The following ZNF208 variants were observed in gnomAD, a reference collection of about 807,000 sequenced individuals.
ZNF208 encodes zinc finger protein 208.
In ZNF208, 10 loss-of-function variants were observed where a neutral mutation model predicts 12.1. The ratio of observed to expected loss-of-function variants is 0.83; its 90% CI spans 0.51 to 1.40. ZNF208 has a LOEUF of 1.40. Ranked by LOEUF, ZNF208 falls within the 40% of genes most tolerant of loss-of-function variation. ZNF208 has a pLI of 0.00. For missense variants in ZNF208, 1,652 were observed against 1,485.0 expected (o/e 1.11, Z -1.85); for synonymous variants, 497 against 488.4 (o/e 1.02, Z -0.23).
chr19:21,987,228 C>T lies in ZNF208; in HGVS notation c.214G>A (p.Glu72Lys). 1.9e-6 allele frequency: 3 copies of T among 1,611,236 alleles called. No individual in the cohort carries two copies. Among genetic ancestry groups the T allele is most frequent in the Non-Finnish European group, 2.5e-6 (3 of 1,178,860 alleles). ...SWNMKRHEMV[E>K]ESPVICSHFA... is the part of the protein sequence containing the mutation. ...CACTCTCACCTACCTGGGGATTCTT[C>T]CACCATCTCATGTCTCTTCATATTC... Residue 72 changes from glutamate to lysine, a missense_variant, in exon 3 of 4, where the codon GAA (glutamate) becomes AAA (lysine). Physicochemically the swap from Glu to Lys is moderately conservative, Grantham distance 56. Transcript: ENST00000397126.
At chr19:21,986,783 T>G (rs959703118) in intron 3 of ZNF208, 1 of 358,460 alleles carries the variant, frequency 2.8e-6, no homozygotes, top group African/African-American at 2.1e-5. Context: ...CAGGATGAAA[T>G]GTACAGAAAA....
intron 1 of ZNF208, among the ~76,000 whole-genome samples, chr19:22,004,262 A>T (rs1437579478): frequency 3.9e-5 from 6 of 152,160 alleles, no homozygotes; most frequent in African/African-American, 1.4e-4. Flanking sequence ...CACACTTGTA[A>T]TCCCAGCACT....
rs181305303 is a variant in ZNF208 at position 21,974,105 on chromosome 19, T to C, written c.929A>G (p.Glu310Gly). 2.2e-4 allele frequency: 345 copies of C among 1,578,472 alleles called. 5 individuals are homozygous for C. In the African/African-American group the frequency reaches 4.1e-3, roughly 19 times the overall value. ...ACATTCTTTACATTTGTAGGGCTTC[T>C]CTCCAGCATGAATTGCCTTATGTGT... The part of the protein sequence containing the change: ...LTTHKAIHAG[E>G]KPYKCKECGK... The change falls in exon 4 of 4, where the codon GAG becomes GGG. Residue 310 changes from glutamate (E) to glycine (G), a missense_variant. Physicochemically the swap from Glu to Gly is moderately conservative, Grantham distance 98. Around this residue, in one of 3 missense-constraint regions of ZNF208, gnomAD observed 410 missense variants for 378.2 expected, o/e 1.08. Transcript: ENST00000397126.
Position 22,010,708 on chromosome 19 carries a change from G to A in ZNF208, c.3+84C>T, listed in dbSNP as rs1292669166. 2.5e-6 allele frequency: 4 copies of A among 1,604,084 alleles called. No homozygotes were observed. In the East Asian group the frequency reaches 6.7e-5, roughly 27 times the overall value. On this transcript the variant is annotated intron_variant, in intron 1 of 3. Coordinates refer to ENST00000397126, the MANE Select transcript of ZNF208 (RefSeq NM_007153.3). Reference sequence around the variant, plus strand: ...ACAGATGTGGAGCTGACTGCGGGGAGGCCTGAGTCCCGCCACAGCCACTTC... The same window carrying A: ...ACAGATGTGGAGCTGACTGCGGGGAAGCCTGAGTCCCGCCACAGCCACTTC...
rs1354028225 is a variant in ZNF208 at position 21,999,870 on chromosome 19, T to A, written c.3+10922A>T. 2.0e-5 allele frequency among the ~76,000 whole-genome samples: 3 copies of A among 152,344 alleles called. No homozygotes were observed. In the East Asian group the frequency reaches 5.8e-4, roughly 29 times the overall value. On this transcript the variant is annotated intron_variant, in intron 1 of 3. Coordinates refer to ENST00000397126, the MANE Select transcript of ZNF208 (RefSeq NM_007153.3). ...ATCAGCAAGTTATCCTCCCTTATTT[T>A]CACATATGAGAATAAAGCTTCTTAT...
chr19:21,959,261 T>G (rs566027151), intron 4 of ZNF208, among the ~76,000 whole-genome samples: 7 of 152,324 alleles, frequency 4.6e-5, no homozygotes, highest in Non-Finnish European at 8.8e-5. Flanking sequence ...CACAAAATCA[T>G]TCTGGGTATG....
chr19:21,953,822 G>T (rs769028309), intron 4 of ZNF208, among the ~76,000 whole-genome samples: 2 of 151,746 alleles, frequency 1.3e-5, no homozygotes, highest in African/African-American at 4.8e-5. Flanking sequence ...GGTTTTTTGT[G>T]TCTCTATCTC....
chr19:21,991,434 T>C (rs10402796), intron 1 of ZNF208: 88,864 of 152,074 alleles, frequency 0.58, 26,232 homozygotes, highest in East Asian at 0.69. Flanking sequence ...GAGTGCTATA[T>C]TTACATCATA....
chr19:21,971,859 A>G lies in ZNF208; in HGVS notation c.3175T>C (p.Cys1059Arg), dbSNP rs1242851713. ...CTGAAGGCTTTGCCACATTCTTCAC[A>G]TTTGTAGGGTTTTTCTCCAGCATGA... ...ATHAGEKPYK[C>R]EECGKAFSWP... The change falls in exon 4 of 4, where the codon TGT becomes CGT. Residue 1059 changes from cysteine to arginine, a missense_variant. Physicochemically the swap from Cys to Arg is radical, Grantham distance 180 (BLOSUM62 -3). This residue lies in a region of ZNF208 where 1,239 missense variants were observed against 1,086.2 expected (regional missense o/e 1.14). Coordinates refer to ENST00000397126, the MANE Select transcript of ZNF208 (RefSeq NM_007153.3). 2 of 1,613,300 alleles carry G rather than the reference A, an allele frequency of 1.2e-6. No individual in the cohort carries two copies. The highest frequency in any genetic ancestry group is 1.7e-6 in the Non-Finnish European group (2 of 1,179,726).
intron 4 of ZNF208, among the ~76,000 whole-genome samples, chr19:21,953,573 G>A (rs914240037): frequency 1.1e-4 from 16 of 152,084 alleles, no homozygotes; most frequent in African/African-American, 3.9e-4. Context: ...CTTCATAACT[G>A]AAGGAAAAAT....
Position 22,010,926 on chromosome 19 carries a change from T to G in ZNF208, c.-132A>C. On this transcript the variant is annotated 5_prime_UTR_variant, in exon 1 of 4. Transcript: ENST00000397126. ...TAAGGACGAGACCTTGACCTCCGGC[T>G]GCAGCGAGAGACAAAGGACCGACCA... 2 of 1,368,048 alleles carry G rather than the reference T, an allele frequency of 1.5e-6. No homozygotes were observed. Among genetic ancestry groups the G allele is most frequent in the African/African-American group, 1.4e-5 (1 of 70,006 alleles). 84.7% of individuals were successfully genotyped at this position (1,368,048 alleles called of 1,614,324 possible).
At chr19:21,982,080 G>C (rs992855977) in intron 3 of ZNF208, among the ~76,000 whole-genome samples, 6 of 152,028 alleles carry the variant, frequency 3.9e-5, no homozygotes, top group African/African-American at 1.4e-4. Flanking sequence ...TTCCATGGCT[G>C]GGCGCAGTGG....
chr19:22,002,240 T>C (rs1220508917), intron 1 of ZNF208, among the ~76,000 whole-genome samples: 2 of 152,144 alleles, frequency 1.3e-5, no homozygotes, highest in Non-Finnish European at 2.9e-5. Context: ...GCCAATATAC[T>C]GAATGGACAA....
intron 3 of ZNF208, among the ~76,000 whole-genome samples, chr19:21,976,207 C>T (rs1970428454): frequency 6.6e-6 from 1 of 152,094 alleles, no homozygotes; most frequent in South Asian, 2.1e-4. Flanking sequence ...AATCAATAAA[C>T]TTAGCAACAT....
chr19:21,954,780 C>G (rs1173623326), intron 4 of ZNF208, among the ~76,000 whole-genome samples: 1 of 152,158 alleles, frequency 6.6e-6, no homozygotes, highest in Non-Finnish European at 1.5e-5. Flanking sequence ...GGTCTTGACT[C>G]TTTATCCAAT....
chr19:22,002,292 G>A (rs1970967855), intron 1 of ZNF208, among the ~76,000 whole-genome samples: 1 of 152,130 alleles, frequency 6.6e-6, no homozygotes, highest in Non-Finnish European at 1.5e-5. Context: ...ACAAGACAAG[G>A]ATGCCTTCTC....
rs1970289378 is a variant in ZNF208, at chr19:21,971,718, T to G, written c.3316A>C (p.Ile1106Leu). 6 of 1,613,954 alleles carry G rather than the reference T, an allele frequency of 3.7e-6. No homozygotes were observed. Among genetic ancestry groups the G allele is most frequent in the Non-Finnish European group, 5.1e-6 (6 of 1,179,984 alleles). Reference protein sequence around the residue: ...WSSNLMEHKRIHTGEKPYKCE... With the variant: ...WSSNLMEHKRLHTGEKPYKCE... ...TTGTAGGGTTTCTCTCCAGTATGAA[T>G]TCTCTTATGTTCCATAAGGTTTGAG... is the stretch of plus-strand genomic sequence containing the variant. Residue 1106 changes from isoleucine (I) to leucine (L), a missense_variant, in exon 4 of 4, where the codon ATT becomes CTT. Transcript: ENST00000397126.
At chr19:21,981,427 T>A (rs1296014485) in intron 3 of ZNF208, among the ~76,000 whole-genome samples, 1 of 151,910 alleles carries the variant, frequency 6.6e-6, no homozygotes, top group African/African-American at 2.4e-5. Flanking sequence ...ATAAACATAA[T>A]CGCTCACATA....
chr19:22,005,909 C>T (rs911259778), intron 1 of ZNF208, among the ~76,000 whole-genome samples: 1 of 152,062 alleles, frequency 6.6e-6, no homozygotes, highest in African/African-American at 2.4e-5. Flanking sequence ...AAAAGAAAAA[C>T]CCTTCTCATC....
Sources: gnomAD v4.1 joint callset for allele counts (sites outside exome capture counted in the v4.1 genomes callset) on GRCh38, gnomAD v4.1.1 for gene constraint, gnomAD v4.1.1 regional missense constraint, MANE v1.5 for transcripts, NCBI Gene and HGNC (gene_info 2026-07-23, HGNC 2026-07-21) for gene names.